Variants in PTPN12 observed in about 807,000 individuals in gnomAD.
PTPN12 encodes protein tyrosine phosphatase non-receptor type 12, also known as tyrosine-protein phosphatase non-receptor type 12.
PTPN12 carries 29 observed loss-of-function variants against 97.6 expected under a neutral mutation model. That is an observed-to-expected ratio of 0.30 (90% CI 0.22 to 0.41). The LOEUF (loss-of-function observed/expected upper bound fraction) is 0.41, where lower values mean the gene tolerates loss of function less well. PTPN12 is among the 10% of genes least tolerant of loss of function. PTPN12 has a pLI of 1.00. For synonymous variants in PTPN12, 327 were observed against 300.4 expected (o/e 1.09, Z -0.91); for missense variants, 819 against 926.0 (o/e 0.88, Z 1.50).
intron 13 of PTPN12, among the ~76,000 whole-genome samples, chr7:77,628,187 C>G (rs1028097774): frequency 6.6e-6 from 1 of 152,130 alleles, no homozygotes; most frequent in Non-Finnish European, 1.5e-5. Context: ...GCTTCCAACC[C>G]TGAGTTTAAC....
At chr7:77,589,847 C>T (rs1787809904) in intron 5 of PTPN12, among the ~76,000 whole-genome samples, 2 of 152,088 alleles carry the variant, frequency 1.3e-5, no homozygotes, top group South Asian at 4.1e-4. Context: ...ATGTATTTCT[C>T]TTTTCATTAT....
Position 77,555,933 on chromosome 7 carries a change from GTGTT to G in PTPN12, c.100-15143_100-15140del, listed in dbSNP as rs1807690812. On this transcript the variant is annotated intron_variant, in intron 1 of 17. Transcript: ENST00000248594. ...CCGTCTCAAAAAAAAAAAATCTCTA[GTGTT>G]TCTTTTTGGTTATTTCTTTGAATTT... Among the ~76,000 whole-genome samples the G allele has an allele frequency of 2.0e-5, 3 of 151,986 alleles. No individual in the cohort carries two copies. In the South Asian group the frequency reaches 6.2e-4, roughly 32 times the overall value.
At chr7:77,611,204 C>G (rs977867419) in intron 11 of PTPN12, among the ~76,000 whole-genome samples, 158 bp downstream of exon 11, 2 of 152,112 alleles carry the variant, frequency 1.3e-5, no homozygotes. Flanking sequence ...TTATTCGTAT[C>G]TGTATTATGA....
At chr7:77,594,206 A>T (rs1787951296) in intron 6 of PTPN12, among the ~76,000 whole-genome samples, 1 of 152,206 alleles carries the variant, frequency 6.6e-6, no homozygotes, top group African/African-American at 2.4e-5. Context: ...CACACCTGTC[A>T]TCCCAGCACT....
At chr7:77,551,644 G>T (rs1807484525) in intron 1 of PTPN12, among the ~76,000 whole-genome samples, 1 of 152,200 alleles carries the variant, frequency 6.6e-6, no homozygotes, top group Non-Finnish European at 1.5e-5. Context: ...CCATTTGTAA[G>T]CTGCTGATAT....
At chr7:77,580,653 TAAAAG>T (rs1787484665) in intron 2 of PTPN12, among the ~76,000 whole-genome samples, 2 of 152,096 alleles carry the variant, frequency 1.3e-5, no homozygotes, top group South Asian at 2.1e-4. Context: ...AATAAAAACT[TAAAAG>T]AAAAATATAC....
chr7:77,561,758 TTTTAATTA>T (rs748389897), intron 1 of PTPN12, among the ~76,000 whole-genome samples: 15 of 74,008 alleles, frequency 2.0e-4, no homozygotes, highest in Non-Finnish European at 3.4e-4. Flanking sequence ...TACTGTATGT[TTTTAATTA>T]ATTAATTAAT....
At chr7:77,562,177 C>T (rs888088175) in intron 1 of PTPN12, among the ~76,000 whole-genome samples, 1 of 152,138 alleles carries the variant, frequency 6.6e-6, no homozygotes, top group Non-Finnish European at 1.5e-5. Context: ...CCCCAGCCTC[C>T]CGAGTAGCTG....
chr7:77,612,723 C>T (rs1461719760), intron 11 of PTPN12, among the ~76,000 whole-genome samples: 1 of 151,942 alleles, frequency 6.6e-6, no homozygotes, highest in Non-Finnish European at 1.5e-5. Context: ...AGGCATGAGC[C>T]ACCGCGCCCG....
At chr7:77,632,075 C>G (rs528971555) in intron 13 of PTPN12, among the ~76,000 whole-genome samples, 1 of 152,290 alleles carries the variant, frequency 6.6e-6, no homozygotes, top group South Asian at 2.1e-4. Context: ...CAGCTGACTT[C>G]TCTACTGAAG....
chr7:77,579,368 G>T (rs991249704), intron 2 of PTPN12, among the ~76,000 whole-genome samples: 1 of 152,000 alleles, frequency 6.6e-6, no homozygotes, highest in African/African-American at 2.4e-5. Context: ...CATGTGATCC[G>T]CCCACCTTGG....
intron 2 of PTPN12, among the ~76,000 whole-genome samples, chr7:77,574,073 A>T (rs992173369): frequency 2.6e-5 from 4 of 152,348 alleles, no homozygotes; most frequent in Admixed American, 2.0e-4. Flanking sequence ...AATGCAACAA[A>T]AAACAAACTG....
At chr7:77,599,703 C>T (rs528805483) in intron 7 of PTPN12, among the ~76,000 whole-genome samples, 13 of 152,188 alleles carry the variant, frequency 8.5e-5, no homozygotes, top group South Asian at 4.1e-4. Flanking sequence ...GATACTGTTA[C>T]GTCTGTTGCA....
chr7:77,553,769 C>T (rs925654463), intron 1 of PTPN12, among the ~76,000 whole-genome samples: 13 of 151,898 alleles, frequency 8.6e-5, no homozygotes, highest in African/African-American at 1.7e-4. Flanking sequence ...AGACCATTCA[C>T]GTTCAGAGTG....
At chr7:77,630,473 C>A (rs1789360465) in intron 13 of PTPN12, among the ~76,000 whole-genome samples, 1 of 152,130 alleles carries the variant, frequency 6.6e-6, no homozygotes, top group South Asian at 2.1e-4. Context: ...TACAATGTAA[C>A]CTCTTGCTCC....
chr7:77,603,878 G>A (rs376884126), intron 8 of PTPN12, among the ~76,000 whole-genome samples: 3 of 102,228 alleles, frequency 2.9e-5, no homozygotes, highest in Admixed American at 2.9e-4. Flanking sequence ...TTATCTTTTT[G>A]TTTGCTTTTT....
At chr7:77,594,133 G>T (rs912030729) in intron 6 of PTPN12, among the ~76,000 whole-genome samples, 2 of 152,030 alleles carry the variant, frequency 1.3e-5, no homozygotes, top group Non-Finnish European at 2.9e-5. Flanking sequence ...TATTCTTAAG[G>T]TGCTGATTAG....
chr7:77,612,286 T>G (rs568498245), intron 11 of PTPN12, among the ~76,000 whole-genome samples: 1 of 152,316 alleles, frequency 6.6e-6, no homozygotes, highest in South Asian at 2.1e-4. Context: ...TTTTTAAGTT[T>G]TATGTGACAT....
At chr7:77,626,434 A>G (rs1172420155) in intron 12 of PTPN12, among the ~76,000 whole-genome samples, 2 of 152,364 alleles carry the variant, frequency 1.3e-5, no homozygotes, top group Non-Finnish European at 2.9e-5. Context: ...AGAAGCAGCT[A>G]TAAAAAAATG....
Sources: gnomAD v4.1 joint callset for allele counts (sites outside exome capture counted in the v4.1 genomes callset) on GRCh38, gnomAD v4.1.1 for gene constraint, MANE v1.5 for transcripts, NCBI Gene and HGNC (gene_info 2026-07-23, HGNC 2026-07-21) for gene names.